Variants in CYP39A1 observed in about 807,000 individuals in gnomAD.
CYP39A1 encodes the protein 24-hydroxycholesterol 7-alpha-hydroxylase.
A neutral mutation model predicts 58.1 loss-of-function variants in CYP39A1; 49 were observed. The ratio of observed to expected loss-of-function variants is 0.84; its 90% CI spans 0.67 to 1.07. The LOEUF is 1.07. Ranked by LOEUF, CYP39A1 falls within the 50% of genes least tolerant of loss-of-function variation. The pLI is 0.00. For synonymous variants in CYP39A1, 209 were observed against 187.6 expected (o/e 1.11, Z -0.93); for missense variants, 531 against 539.4 (o/e 0.98, Z 0.16).
intron 8 of CYP39A1, among the ~76,000 whole-genome samples, chr6:46,592,352 G>A (rs1187070854): frequency 6.6e-6 from 1 of 152,134 alleles, no homozygotes; most frequent in Non-Finnish European, 1.5e-5. Context: ...CATGTGAAAT[G>A]TGTTTTAAAA....
At chr6:46,551,485 G>A (rs189302986) in intron 11 of CYP39A1, among the ~76,000 whole-genome samples, 28 of 152,176 alleles carry the variant, frequency 1.8e-4, no homozygotes, top group Non-Finnish European at 3.1e-4. Flanking sequence ...AAATGGAACA[G>A]CCCTCACTGC....
chr6:46,555,566 A>G (rs960169449), intron 10 of CYP39A1, among the ~76,000 whole-genome samples: 1 of 152,168 alleles, frequency 6.6e-6, no homozygotes, highest in African/African-American at 2.4e-5. Context: ...CACTTTACAT[A>G]TCCCTTAACT....
At chr6:46,562,684 T>C (rs1771047383) in intron 10 of CYP39A1, among the ~76,000 whole-genome samples, 1 of 151,924 alleles carries the variant, frequency 6.6e-6, no homozygotes, top group Non-Finnish European at 1.5e-5. Context: ...AAAAAATCTG[T>C]AGAGAAAGTA....
At chr6:46,616,148 CTTTCTTTCTTTCTTT>C (rs757370592) in intron 7 of CYP39A1, among the ~76,000 whole-genome samples, 2,435 of 4,070 alleles carry the variant, frequency 0.6, 556 homozygotes, top group East Asian at 0.69. Context: ...TTCTTTCTTT[CTTTCTTTCTTTCTTT>C]TTTCTTTCTT....
At position 46,652,415 on chromosome 6, in the gene CYP39A1, T is replaced by G. The variant is rs745492846; in HGVS notation, c.168A>C (p.Ala56=). The G allele has an allele frequency of 1.9e-6, 3 of 1,611,884 alleles. No homozygotes were observed. Among genetic ancestry groups the G allele is most frequent in the Non-Finnish European group, 2.5e-6 (3 of 1,179,192 alleles). The change falls in exon 1 of 12, where the codon GCA becomes GCC. Residue 56 remains alanine (A), a synonymous_variant. Coordinates refer to ENST00000275016, the MANE Select transcript of CYP39A1 (RefSeq NM_016593.5). ...TGCCACGACCACATACCTTGATTCT[T>G]GCTTTCTCTATAAATTCTAGAGGGG... ...GKAPLEFIEK[A]RIKYGPIFTV... is the part of the protein sequence containing the mutation.
intron 10 of CYP39A1, among the ~76,000 whole-genome samples, chr6:46,582,840 T>C (rs1180373387): frequency 4.6e-5 from 7 of 152,120 alleles, no homozygotes; most frequent in African/African-American, 1.7e-4. Context: ...TCTGATTTGT[T>C]TTCCATGATA....
chr6:46,637,154 T>C (rs960527785), intron 4 of CYP39A1, among the ~76,000 whole-genome samples: 1 of 152,188 alleles, frequency 6.6e-6, no homozygotes, highest in Admixed American at 6.5e-5. Flanking sequence ...CACCAGAACA[T>C]GACCATGCTG....
chr6:46,625,400 T>C lies in CYP39A1; in HGVS notation c.931+18A>G, dbSNP rs1300200970. 4 of 1,553,686 alleles carry C rather than the reference T, an allele frequency of 2.6e-6. No individual in the cohort carries two copies. The African/African-American group carries it at 4.1e-5, about 16-fold the overall frequency. ...ATGCATTATTAGCTGTGTCTTCCTA[T>C]ATAATAAGGTTTAGTACCTGCTTTG... On this transcript the variant is annotated intron_variant, in intron 7 of 11. Transcript: ENST00000275016.
chr6:46,610,654 AT>A (rs1177429557), intron 7 of CYP39A1, among the ~76,000 whole-genome samples: 1 of 152,090 alleles, frequency 6.6e-6, no homozygotes, highest in Non-Finnish European at 1.5e-5. Flanking sequence ...CACATTTCTA[AT>A]AATTTTTATT....
chr6:46,568,931 T>A lies in CYP39A1; in HGVS notation c.1251-15077A>T, dbSNP rs1719709219. Among the ~76,000 whole-genome samples the A allele has an allele frequency of 2.0e-5, 3 of 146,632 alleles. No individual in the cohort carries two copies. In the South Asian group the frequency reaches 6.4e-4, roughly 31 times the overall value. On this transcript the variant is annotated intron_variant, in intron 10 of 11. Coordinates refer to ENST00000275016, the MANE Select transcript of CYP39A1 (RefSeq NM_016593.5). ...TTTTCTATTTCTGCCAAAAAAAAAA[T>A]AACATCATTGCGATTACATTGAATC...
chr6:46,584,006 C>T (rs1157157), intron 10 of CYP39A1, among the ~76,000 whole-genome samples: 17,557 of 152,048 alleles, frequency 0.12, 1,029 homozygotes, highest in Middle Eastern at 0.16. Context: ...AAATCAAGAA[C>T]GAGTGCAATT....
At chr6:46,585,517 T>C (rs961483536) in intron 10 of CYP39A1, among the ~76,000 whole-genome samples, 1 of 151,982 alleles carries the variant, frequency 6.6e-6, no homozygotes, top group Non-Finnish European at 1.5e-5. Flanking sequence ...AAAGTGAAAA[T>C]AATATGAGAG....
intron 10 of CYP39A1, among the ~76,000 whole-genome samples, chr6:46,586,731 A>G (rs1772490867): frequency 1.3e-5 from 2 of 152,256 alleles, no homozygotes; most frequent in South Asian, 4.1e-4. Context: ...ACAATGTCAT[A>G]GTGAAAGAAA....
At chr6:46,585,347 A>G (rs1772408205) in intron 10 of CYP39A1, among the ~76,000 whole-genome samples, 1 of 152,042 alleles carries the variant, frequency 6.6e-6, no homozygotes, top group Non-Finnish European at 1.5e-5. Context: ...AGATAGATAG[A>G]TAGATAGATA....
intron 10 of CYP39A1, among the ~76,000 whole-genome samples, chr6:46,584,739 A>C: frequency 6.6e-6 from 1 of 152,136 alleles, no homozygotes; most frequent in East Asian, 1.9e-4. Flanking sequence ...CTTAAGCCAC[A>C]TGCCTCTGTG....
intron 7 of CYP39A1, among the ~76,000 whole-genome samples, chr6:46,614,776 GTTTATGTAACT>G (rs1366218752): frequency 6.6e-6 from 1 of 152,144 alleles, no homozygotes; most frequent in African/African-American, 2.4e-5. Flanking sequence ...TTGTTAAGTA[GTTTATGTAACT>G]TTTAAGAGGG....
intron 7 of CYP39A1, among the ~76,000 whole-genome samples, chr6:46,616,201 TCCCTCCCTCCCTC>T (rs1774576869): frequency 5.7e-4 from 1 of 1,760 alleles, no homozygotes; most frequent in Non-Finnish European, 1.2e-3. Context: ...TTTCCCTCCC[TCCCTCCCTCCCTC>T]CCTCCCTCCC....
intron 10 of CYP39A1, among the ~76,000 whole-genome samples, chr6:46,554,457 C>A (rs369430647): frequency 6.8e-4 from 104 of 152,288 alleles, no homozygotes; most frequent in African/African-American, 2.5e-3. Context: ...CTTTTGCACT[C>A]CTTGTCTAAG....
intron 6 of CYP39A1, among the ~76,000 whole-genome samples, chr6:46,629,936 G>A (rs934953407): frequency 6.6e-6 from 1 of 151,476 alleles, no homozygotes; most frequent in African/African-American, 2.4e-5. Context: ...GATTTTAAAA[G>A]AAACAGTTTT....
Sources: gnomAD v4.1 joint callset for allele counts (sites outside exome capture counted in the v4.1 genomes callset) on GRCh38, gnomAD v4.1.1 for gene constraint, MANE v1.5 for transcripts, NCBI Gene and HGNC (gene_info 2026-07-23, HGNC 2026-07-21) for gene names.